The following HDAC9 variants were observed in gnomAD, a reference collection of about 807,000 sequenced individuals.
The protein encoded by HDAC9 is MEF-2 interacting transcription repressor (MITR) protein.
Under a neutral mutation model 139.4 loss-of-function variants are expected in HDAC9, and 41 were observed. The observed-to-expected ratio is 0.29, with a 90% confidence interval of 0.23 to 0.38. The LOEUF (loss-of-function observed/expected upper bound fraction) is 0.38. HDAC9 is among the 10% of genes least tolerant of loss of function. The pLI, the probability that HDAC9 is intolerant of heterozygous loss-of-function variation, is 1.00. For synonymous variants in HDAC9, 517 were observed against 476.2 expected, an observed-to-expected ratio of 1.09 and a Z score of -1.12; for missense variants, 1,147 against 1,297.0, an observed-to-expected ratio of 0.88 and a Z score of 1.78.
At chr7:18,260,616 G>C (rs1411733228) in intron 2 of HDAC9, 1 of 154,292 alleles carries the variant, frequency 6.5e-6, no homozygotes, top group Non-Finnish European at 1.5e-5. Flanking sequence ...ACCGCGCCCG[G>C]CCAACAGACA....
chr7:18,860,544 TA>T (rs1798028877), intron 21 of HDAC9, among the ~76,000 whole-genome samples: 1 of 152,164 alleles, frequency 6.6e-6, no homozygotes, highest in African/African-American at 2.4e-5. Flanking sequence ...GGTCTTAATA[TA>T]AGGAAACAAA....
intron 1 of HDAC9, among the ~76,000 whole-genome samples, chr7:18,296,634 G>T (rs920999420): frequency 9.8e-4 from 149 of 152,254 alleles, no homozygotes; most frequent in Non-Finnish European, 6.9e-4. Flanking sequence ...TATGAAATTA[G>T]TTTTTAAAAT....
chr7:18,090,189 A>G (rs574062511), intron 1 of HDAC9, among the ~76,000 whole-genome samples: 1 of 152,338 alleles, frequency 6.6e-6, no homozygotes, highest in East Asian at 1.9e-4. Flanking sequence ...GTTACACCAT[A>G]GTGAATCAGT....
intron 24 of HDAC9, among the ~76,000 whole-genome samples, chr7:18,963,538 A>C (rs1432964263): frequency 1.3e-5 from 2 of 152,202 alleles, no homozygotes; most frequent in Non-Finnish European, 2.9e-5. Context: ...GAATAATAAG[A>C]CTTATTTGTG....
At chr7:18,797,746 T>C (rs1196098484) in intron 17 of HDAC9, among the ~76,000 whole-genome samples, 1 of 152,030 alleles carries the variant, frequency 6.6e-6, no homozygotes, top group African/African-American at 2.4e-5. Context: ...TGAGAATCGC[T>C]TGAACCCAGG....
chr7:18,827,397 T>C (rs1188429112), intron 17 of HDAC9, among the ~76,000 whole-genome samples: 1 of 152,146 alleles, frequency 6.6e-6, no homozygotes, highest in Non-Finnish European at 1.5e-5. Flanking sequence ...TAAGTATTTT[T>C]TTAAGGCTCT....
intron 2 of HDAC9, among the ~76,000 whole-genome samples, chr7:18,166,449 T>A (rs1170684246): frequency 2.0e-5 from 3 of 152,214 alleles, no homozygotes; most frequent in Non-Finnish European, 4.4e-5. Context: ...AAAAATTAAT[T>A]AAGAGATTTA....
chr7:18,297,366 G>A (rs1004577408), intron 1 of HDAC9, among the ~76,000 whole-genome samples: 5 of 152,134 alleles, frequency 3.3e-5, no homozygotes, highest in African/African-American at 9.7e-5. Context: ...AGTAATTGTG[G>A]TTTTTGCCAT....
At chr7:18,984,304 A>G (rs1344219958) in intron 25 of HDAC9, among the ~76,000 whole-genome samples, 1 of 152,150 alleles carries the variant, frequency 6.6e-6, no homozygotes, top group African/African-American at 2.4e-5. Context: ...TTGGGAAAGG[A>G]AAGGACTCTC....
At chr7:18,769,554 A>ATG (rs67450024) in intron 16 of HDAC9, among the ~76,000 whole-genome samples, 5,399 of 151,226 alleles carry the variant, frequency 0.036, 318 homozygotes, top group African/African-American at 0.12. Flanking sequence ...GTGGGTGTGA[A>ATG]TGTGTGTGTG....
In HDAC9 at chr7:18,968,060, G is replaced by A. The variant is rs1248261832; in HGVS notation, c.3023-7746G>A. The stretch of plus-strand genomic sequence containing the variant: ...GCCCGTAATCCCAGCTTCTCGGGAG[G>A]CCGAGGCAAGAGAATCGCTTGAACC... On this transcript the variant is annotated intron_variant, in intron 24 of 25. Coordinates refer to ENST00000686413, the MANE Select transcript of HDAC9 (RefSeq NM_178425.4). Among the ~76,000 whole-genome samples the A allele has an allele frequency of 3.9e-5, 6 of 152,244 alleles. No homozygotes were observed. In the East Asian group the frequency reaches 1.2e-3, roughly 29 times the overall value.
At chr7:18,937,005 T>A (rs965120445) in intron 23 of HDAC9, among the ~76,000 whole-genome samples, 1 of 151,294 alleles carries the variant, frequency 6.6e-6, no homozygotes, top group Non-Finnish European at 1.5e-5. Flanking sequence ...AACTTAAGCA[T>A]TGCTCAAGTA....
rs868145278 is a variant in HDAC9, at chr7:18,727,667, C to T, written c.1819C>T (p.Arg607Cys). ...TGGCATGGATGGATTAGAGAAACAC[C>T]GTCTCGTCTCCAGGACTCACTCTTC... Reference protein sequence around the residue: ...AVGMDGLEKHRLVSRTHSSPA... With the variant: ...AVGMDGLEKHCLVSRTHSSPA... The change falls in exon 13 of 26, where the codon CGT becomes TGT. Residue 607 changes from arginine to cysteine, a missense_variant. Transcript: ENST00000686413. 73 of 1,591,290 alleles carry T rather than the reference C, an allele frequency of 4.6e-5. No individual in the cohort carries two copies. The highest frequency in any genetic ancestry group is 5.9e-5 in the Non-Finnish European group (69 of 1,171,640).
At chr7:18,759,777 G>A (rs1361104503) in intron 14 of HDAC9, among the ~76,000 whole-genome samples, 2 of 152,074 alleles carry the variant, frequency 1.3e-5, no homozygotes. Flanking sequence ...GCAGATGAGT[G>A]TTTAAATGTG....
chr7:18,303,782 G>T (rs1486668554), intron 1 of HDAC9, among the ~76,000 whole-genome samples: 1 of 152,176 alleles, frequency 6.6e-6, no homozygotes, highest in African/African-American at 2.4e-5. Flanking sequence ...TTCTGGATCT[G>T]TGCTTTAAGA....
At chr7:18,812,767 AG>A (rs1418859068) in intron 17 of HDAC9, among the ~76,000 whole-genome samples, 44 of 152,006 alleles carry the variant, frequency 2.9e-4, no homozygotes, top group South Asian at 6.2e-4. Context: ...TCTGTTTCTG[AG>A]GGTCCTATTA....
At chr7:18,092,924 G>T (rs369233801) in intron 1 of HDAC9, among the ~76,000 whole-genome samples, 1 of 152,114 alleles carries the variant, frequency 6.6e-6, no homozygotes, top group African/African-American at 2.4e-5. Flanking sequence ...TATATTCCAC[G>T]CATGAAAGAC....
At chr7:18,688,857 C>T (rs1782469223) in intron 12 of HDAC9, among the ~76,000 whole-genome samples, 2 of 151,896 alleles carry the variant, frequency 1.3e-5, no homozygotes, top group Non-Finnish European at 2.9e-5. Flanking sequence ...AAATATCTTT[C>T]CATGAGACAC....
chr7:18,773,364 T>TGCACAC (rs1166973222), intron 16 of HDAC9, among the ~76,000 whole-genome samples: 1 of 142,730 alleles, frequency 7.0e-6, no homozygotes, highest in African/African-American at 2.6e-5. Context: ...AAAAACTGTA[T>TGCACAC]ACACACACAC....
Sources: gnomAD v4.1 joint callset for allele counts (sites outside exome capture counted in the v4.1 genomes callset) on GRCh38, gnomAD v4.1.1 for gene constraint, MANE v1.5 for transcripts, NCBI Gene and HGNC (gene_info 2026-07-23, HGNC 2026-07-21) for gene names.